Variants in KREMEN1 observed in about 807,000 individuals in gnomAD.
KREMEN1 encodes kringle containing transmembrane protein 1.
In KREMEN1, 30 loss-of-function variants were observed where a neutral mutation model predicts 46.5. The observed-to-expected ratio is 0.65, with a 90% CI of 0.48 to 0.88. The LOEUF (loss-of-function observed/expected upper bound fraction) is 0.88. KREMEN1 is among the 40% of genes least tolerant of loss of function. The probability of loss-of-function intolerance (pLI) is 0.00; values close to 1 mark genes in which losing one functional copy is unlikely to be tolerated. For missense variants in KREMEN1, 533 were observed against 596.9 expected (o/e 0.89, Z 1.11); for synonymous variants, 214 against 230.6 (o/e 0.93, Z 0.65).
At position 29,146,383 on chromosome 22, in the gene KREMEN1, G is replaced by C; in HGVS notation, c.*4271G>C. On this transcript the variant is annotated 3_prime_UTR_variant, in exon 9 of 9. Transcript: ENST00000400335. ...AGACCCCTGGTGGGCACATCTCACA[G>C]GCTTCCGTCTTGCTGAGTTGGGTAC... 1.0e-6 allele frequency: 1 copy of C among 985,880 alleles called. No homozygotes were observed. The highest frequency in any genetic ancestry group is 1.1e-4 in the East Asian group (1 of 8,816). The allele number at this position is 985,880 out of a possible 1,614,324, so 61.1% of individuals were successfully genotyped here.
intron 2 of KREMEN1, 73 bp downstream of exon 2, chr22:29,094,493 C>G: frequency 2.2e-6 from 3 of 1,376,352 alleles, no homozygotes; most frequent in Non-Finnish European, 3.0e-6. Context: ...CCTTTCATCC[C>G]AGCTCACAAC....
chr22:29,159,449 T>C (rs376629883), intron 9 of KREMEN1, among the ~76,000 whole-genome samples: 6 of 151,702 alleles, frequency 4.0e-5, no homozygotes, highest in African/African-American at 1.5e-4. Flanking sequence ...TGAAACCCTA[T>C]CTCTACTAAA....
At chr22:29,141,825 G>A in intron 8 of KREMEN1, 119 bp from the exon 9 acceptor site, 1 of 675,176 alleles carries the variant, frequency 1.5e-6, no homozygotes, top group Non-Finnish European at 2.3e-6. Flanking sequence ...TTTAGAGGTG[G>A]CTGTGAGGTC....
rs534421912 is a variant in KREMEN1 at position 29,073,239 on chromosome 22, C to T, written c.97+12C>T. On this transcript the variant is annotated intron_variant, in intron 1 of 8. Coordinates refer to ENST00000400335, the MANE Select transcript of KREMEN1 (RefSeq NM_001039570.3). The surrounding 1 kb of genome is among the most constrained non-coding windows in gnomAD (Gnocchi z 4.4). ...CGGCCCCGGACCCGGTGAGTGTGAGCGACCCCCCGCCGCCCGCCCTGAGCG... is the reference window on the plus strand; with the variant it reads ...CGGCCCCGGACCCGGTGAGTGTGAGTGACCCCCCGCCGCCCGCCCTGAGCG... 1,905 of 1,119,522 alleles carry T rather than the reference C, an allele frequency of 1.7e-3. 22 individuals carry two copies. The African/African-American group carries it at 0.027, about 16-fold the overall frequency. 69.3% of individuals were successfully genotyped at this position (1,119,522 alleles called of 1,614,324 possible).
At chr22:29,120,097 GGTGATGAAGGAAAT>G (rs2145809943) in intron 3 of KREMEN1, among the ~76,000 whole-genome samples, 1 of 118,110 alleles carries the variant, frequency 8.5e-6, no homozygotes, top group Non-Finnish European at 1.8e-5. Flanking sequence ...AGGAGGGAGA[GGTGATGAAGGAAAT>G]GGAGGAGGGA....
intron 9 of KREMEN1, among the ~76,000 whole-genome samples, chr22:29,152,023 A>AT (rs1436464701): frequency 6.5e-4 from 98 of 151,678 alleles, no homozygotes; most frequent in African/African-American, 2.3e-3. Context: ...AAAAAAAAAA[A>AT]AAAGCACAGG....
chr22:29,166,606 CTT>C (rs564463376), intron 9 of KREMEN1, among the ~76,000 whole-genome samples: 217 of 152,316 alleles, frequency 1.4e-3, no homozygotes, highest in African/African-American at 4.8e-3. Context: ...TCTCTCAACT[CTT>C]TTAGTCACAG....
chr22:29,156,769 C>T (rs774148216), intron 9 of KREMEN1, among the ~76,000 whole-genome samples: 9 of 152,230 alleles, frequency 5.9e-5, no homozygotes, highest in Non-Finnish European at 1.3e-4. Flanking sequence ...GGCAGGCACT[C>T]GGTCATCTTG....
chr22:29,148,706 C>T (rs964729894), downstream of KREMEN1, among the ~76,000 whole-genome samples: 7 of 152,204 alleles, frequency 4.6e-5, no homozygotes, highest in Non-Finnish European at 7.4e-5. Context: ...CCGCCCGCCT[C>T]GGCCTCCCAA....
Position 29,136,110 on chromosome 22 carries a change from C to T in KREMEN1, c.632-1232C>T, listed in dbSNP as rs368496049. 8.6e-5 allele frequency among the ~76,000 whole-genome samples: 13 copies of T among 151,806 alleles called. No homozygotes were observed. The East Asian group carries it at 2.4e-3, about 28-fold the overall frequency. Reference sequence around the variant, plus strand: ...CTAATTTTTGTATTTTTAGTAGAGACGGGGTTTCACCATATTGATCAGGCT... The same window carrying T: ...CTAATTTTTGTATTTTTAGTAGAGATGGGGTTTCACCATATTGATCAGGCT... On this transcript the variant is annotated intron_variant, in intron 5 of 8. Coordinates refer to ENST00000400335, the MANE Select transcript of KREMEN1 (RefSeq NM_001039570.3).
In KREMEN1 at chr22:29,145,717, A is replaced by G. The variant is rs895430239; in HGVS notation, c.*3605A>G. On this transcript the variant is annotated 3_prime_UTR_variant, in exon 9 of 9. Transcript: ENST00000400335. ...AGTGACTTCACCCGCCCTGTCCCCCACGTCAGGACAGGCTTGAGGCCTCTC... is the reference window on the plus strand; with the variant it reads ...AGTGACTTCACCCGCCCTGTCCCCCGCGTCAGGACAGGCTTGAGGCCTCTC... The G allele has an allele frequency of 1.0e-6, 1 of 985,382 alleles. No homozygotes were observed. Among genetic ancestry groups the G allele is most frequent in the Admixed American group, 6.1e-5 (1 of 16,272 alleles). 61.0% of individuals were successfully genotyped at this position (985,382 alleles called of 1,614,324 possible).
At chr22:29,086,565 C>T (rs2037731771) in intron 1 of KREMEN1, among the ~76,000 whole-genome samples, 1 of 152,112 alleles carries the variant, frequency 6.6e-6, no homozygotes, top group Non-Finnish European at 1.5e-5. Flanking sequence ...GCCACATGCC[C>T]CTTTACTACA....
intron 3 of KREMEN1, among the ~76,000 whole-genome samples, chr22:29,120,950 A>G (rs528650009): frequency 1.3e-5 from 2 of 152,346 alleles, no homozygotes; most frequent in East Asian, 3.9e-4. Context: ...TTAGGAGCTT[A>G]AATAGAAGGT....
At chr22:29,104,032 T>C (rs2038012487) in intron 3 of KREMEN1, among the ~76,000 whole-genome samples, 4 of 152,178 alleles carry the variant, frequency 2.6e-5, no homozygotes, top group Admixed American at 2.6e-4. Flanking sequence ...CTTTTGTGTA[T>C]GTTTGCAACT....
intron 9 of KREMEN1, among the ~76,000 whole-genome samples, chr22:29,164,615 G>A (rs568470112): frequency 1.0e-3 from 153 of 151,898 alleles, no homozygotes; most frequent in African/African-American, 3.5e-3. Flanking sequence ...GTGTGGTGGC[G>A]GGTGCCTGTA....
At chr22:29,155,419 T>C (rs2038952905) in intron 9 of KREMEN1, among the ~76,000 whole-genome samples, 1 of 151,912 alleles carries the variant, frequency 6.6e-6, no homozygotes, top group Non-Finnish European at 1.5e-5. Context: ...CCTGTAGTCC[T>C]AGCTACTCAG....
intron 5 of KREMEN1, among the ~76,000 whole-genome samples, chr22:29,128,068 A>C (rs1051411403): frequency 6.6e-6 from 1 of 152,194 alleles, no homozygotes; most frequent in African/African-American, 2.4e-5. Flanking sequence ...CCGGGTTGCC[A>C]AGGGCTGGGG....
At position 29,145,865 on chromosome 22, in the gene KREMEN1, G is replaced by A. The variant is rs1225716466; in HGVS notation, c.*3753G>A. 6.1e-6 allele frequency: 6 copies of A among 985,560 alleles called. No individual in the cohort carries two copies. The highest frequency in any genetic ancestry group is 9.4e-5 in the South Asian group (2 of 21,282). 61.1% of individuals were successfully genotyped at this position (985,560 alleles called of 1,614,324 possible). On this transcript the variant is annotated 3_prime_UTR_variant, in exon 9 of 9. Transcript: ENST00000400335. ...AGCAAGTTCAGCTGTCCTGGCCCTCGGGTAGAACCCACGGGCGTGCCTGGG... is the reference window on the plus strand; with the variant it reads ...AGCAAGTTCAGCTGTCCTGGCCCTCAGGTAGAACCCACGGGCGTGCCTGGG...
rs1000274818 is a variant in KREMEN1, at chr22:29,142,700, A to C, written c.*588A>C. 53 of 985,144 alleles carry C rather than the reference A, an allele frequency of 5.4e-5. No homozygotes were observed. Among genetic ancestry groups the C allele is most frequent in the Non-Finnish European group, 6.1e-5 (51 of 829,768 alleles). The allele number at this position is 985,144 out of a possible 1,614,324, so 61.0% of individuals were successfully genotyped here. ...AGCTTTGCTCTCCAGATGCTGGACT[A>C]GGGTGGGCCTCCTTCAGCCTGGGAG... On this transcript the variant is annotated 3_prime_UTR_variant, in exon 9 of 9. Coordinates refer to ENST00000400335, the MANE Select transcript of KREMEN1 (RefSeq NM_001039570.3).
Sources: allele counts gnomAD v4.1 joint callset (sites outside exome capture counted in the v4.1 genomes callset), GRCh38; gene constraint gnomAD v4.1.1; non-coding constraint Gnocchi (gnomAD v3.1); transcripts MANE v1.5; gene names NCBI Gene and HGNC (gene_info 2026-07-23, HGNC 2026-07-21).